Variants in ETV6 observed in about 807,000 individuals in gnomAD.
The protein encoded by ETV6 is transcription factor ETV6.
In ETV6, 16 loss-of-function variants were observed where a neutral mutation model predicts 51.1. The observed-to-expected ratio is 0.31, with a 90% CI of 0.21 to 0.48. The LOEUF (loss-of-function observed/expected upper bound fraction) is 0.48. ETV6 is among the 20% of genes least tolerant of loss of function. The pLI is 0.99. For synonymous variants in ETV6, 240 were observed against 224.1 expected (o/e 1.07, Z -0.64); for missense variants, 458 against 594.8 (o/e 0.77, Z 2.39).
intron 4 of ETV6, among the ~76,000 whole-genome samples, chr12:11,859,796 G>A (rs939269135): frequency 1.3e-5 from 2 of 152,316 alleles, no homozygotes; most frequent in Middle Eastern, 3.4e-3. Context: ...TAGCAGTAGT[G>A]GAGATGAGAA....
rs1591735559 is a variant in ETV6 at position 11,869,626 on chromosome 12, G to C, written c.666G>C (p.Arg222Ser). 1.2e-6 allele frequency: 2 copies of C among 1,614,118 alleles called. No individual in the cohort carries two copies. The highest frequency in any genetic ancestry group is 1.7e-6 in the Non-Finnish European group (2 of 1,180,016). Residue 222 changes from arginine to serine, a missense_variant, in exon 5 of 8, where the codon AGG becomes AGC. Physicochemically the swap from Arg to Ser is moderately radical, Grantham distance 110 (BLOSUM62 -1). Transcript: ENST00000396373. This position sits in a 1 kb window ranked among gnomAD's most constrained non-coding sequence, Gnocchi z 5.0. ...CGGCTGAGAGAGCTCAGGGACCCAG[G>C]CCGCACCAGGAGAACAACCACCAGG... ...LSPAERAQGP[R>S]PHQENNHQES...
At chr12:11,865,318 C>G (rs921778273) in intron 4 of ETV6, among the ~76,000 whole-genome samples, 3 of 151,214 alleles carry the variant, frequency 2.0e-5, no homozygotes, top group African/African-American at 7.3e-5. Context: ...ATAATAGAAC[C>G]ATCATATCAC....
chr12:11,735,008 A>G (rs1019988097), intron 1 of ETV6, among the ~76,000 whole-genome samples: 1 of 150,402 alleles, frequency 6.6e-6, no homozygotes, highest in African/African-American at 2.5e-5. Context: ...TCTGTTCTTC[A>G]TCTTCTACTT....
chr12:11,661,805 T>C (rs1394956267), intron 1 of ETV6, among the ~76,000 whole-genome samples: 1 of 152,190 alleles, frequency 6.6e-6, no homozygotes, highest in African/African-American at 2.4e-5. Flanking sequence ...TCTGCCTCTT[T>C]GCATTTCTGA....
chr12:11,884,513 T>C lies in ETV6; in HGVS notation c.1078T>C (p.Trp360Arg). The change falls in exon 6 of 8, where the codon TGG becomes CGG. Residue 360 changes from tryptophan to arginine, a missense_variant. Around this residue, in one of 4 missense-constraint regions of ETV6, gnomAD observed 55 missense variants for 151.2 expected, o/e 0.36. Coordinates refer to ENST00000396373, the MANE Select transcript of ETV6 (RefSeq NM_001987.5). Reference protein sequence around the residue: ...SDSRYENFIRWEDKESKIFRI... With the variant: ...SDSRYENFIRREDKESKIFRI... ...CAGCCGGTACGAAAACTTCATCCGA[T>C]GGGAGGACAAAGAATCCAAAATATT... 1 of 1,614,186 alleles carries C rather than the reference T, an allele frequency of 6.2e-7. No homozygotes were observed. The highest frequency in any genetic ancestry group is 8.5e-7 in the Non-Finnish European group (1 of 1,180,030).
intron 2 of ETV6, among the ~76,000 whole-genome samples, chr12:11,801,023 A>G (rs1172472688): frequency 6.6e-6 from 1 of 152,256 alleles, no homozygotes; most frequent in Non-Finnish European, 1.5e-5. Context: ...TAATTACATC[A>G]TGGTTTTAAA....
chr12:11,740,756 C>T (rs1293595060), intron 1 of ETV6, among the ~76,000 whole-genome samples: 1 of 152,110 alleles, frequency 6.6e-6, no homozygotes, highest in Non-Finnish European at 1.5e-5. Context: ...GAGTAAACTA[C>T]TTTTACCCTT....
At chr12:11,828,948 G>A (rs893035555) in intron 2 of ETV6, among the ~76,000 whole-genome samples, 4 of 152,006 alleles carry the variant, frequency 2.6e-5, no homozygotes, top group Non-Finnish European at 5.9e-5. Context: ...TGCTCCTGGG[G>A]CAAATGTCTT....
intron 7 of ETV6, among the ~76,000 whole-genome samples, chr12:11,888,089 T>A (rs1297822485): frequency 6.6e-6 from 1 of 152,218 alleles, no homozygotes; most frequent in Non-Finnish European, 1.5e-5. Context: ...ATGTCTGGAC[T>A]TCATGATTCA....
intron 5 of ETV6, among the ~76,000 whole-genome samples, chr12:11,877,498 G>C (rs1162522688): frequency 6.6e-6 from 1 of 152,100 alleles, no homozygotes; most frequent in African/African-American, 2.4e-5. Context: ...ATAAATATCT[G>C]TGTTTGCAGG....
chr12:11,827,738 T>A (rs895364464), intron 2 of ETV6, among the ~76,000 whole-genome samples: 3 of 152,076 alleles, frequency 2.0e-5, no homozygotes, highest in African/African-American at 7.2e-5. Flanking sequence ...ACAGATCAGG[T>A]CCCAGTTCAG....
chr12:11,843,659 T>C (rs1946420669), intron 3 of ETV6, among the ~76,000 whole-genome samples: 1 of 152,184 alleles, frequency 6.6e-6, no homozygotes, highest in African/African-American at 2.4e-5. Flanking sequence ...CAATGAGTTA[T>C]AATTACCTGG....
chr12:11,822,428 C>T (rs1264336374), intron 2 of ETV6, among the ~76,000 whole-genome samples: 1 of 152,234 alleles, frequency 6.6e-6, no homozygotes, highest in East Asian at 1.9e-4. Flanking sequence ...CTCTCTCTAC[C>T]TTTCTCCCCC....
intron 2 of ETV6, among the ~76,000 whole-genome samples, chr12:11,767,338 A>G (rs1945177310): frequency 6.6e-6 from 1 of 152,222 alleles, no homozygotes; most frequent in Non-Finnish European, 1.5e-5. Flanking sequence ...CATACTTCTT[A>G]TTAAACCACT....
chr12:11,669,129 C>T (rs1864254145), intron 1 of ETV6, among the ~76,000 whole-genome samples: 1 of 152,242 alleles, frequency 6.6e-6, no homozygotes, highest in South Asian at 2.1e-4. Flanking sequence ...CTTCCCCCTT[C>T]CCGGGCTTTA....
chr12:11,838,278 A>G (rs920427987), intron 2 of ETV6, among the ~76,000 whole-genome samples: 5 of 152,246 alleles, frequency 3.3e-5, no homozygotes, highest in Non-Finnish European at 7.3e-5. Context: ...GGGAACCCTG[A>G]TGGGTCCCAA....
At chr12:11,759,306 G>A (rs1243809568) in intron 2 of ETV6, among the ~76,000 whole-genome samples, 5 of 152,108 alleles carry the variant, frequency 3.3e-5, no homozygotes, top group Non-Finnish European at 7.4e-5. Context: ...TTCGCTGTGG[G>A]GGATGGGGAG....
chr12:11,874,923 C>T (rs1318481250), intron 5 of ETV6, among the ~76,000 whole-genome samples: 2 of 148,368 alleles, frequency 1.3e-5, no homozygotes, highest in Non-Finnish European at 3.0e-5. Context: ...GGAGGGATAG[C>T]ATTAGGAGAT....
Position 11,891,506 on chromosome 12 carries a change from T to C in ETV6, c.*460T>C, listed in dbSNP as rs1366520434. 49 of 515,288 alleles carry C rather than the reference T, an allele frequency of 9.5e-5. 1 individual carries two copies. The Admixed American group carries it at 1.2e-3, about 13-fold the overall frequency. 31.9% of individuals were successfully genotyped at this position (515,288 alleles called of 1,614,324 possible). A position where few individuals can be genotyped will look rare whatever the true frequency, so the allele number is the denominator to read the frequency against. ...TCTCACAAAGTGCGGCAAGCCCAGC[T>C]GGTCAGGAAAGAGAATACTTGCAGA... is the stretch of plus-strand genomic sequence containing the variant. On this transcript the variant is annotated 3_prime_UTR_variant, in exon 8 of 8. Coordinates refer to ENST00000396373, the MANE Select transcript of ETV6 (RefSeq NM_001987.5).
Sources: gnomAD v4.1 joint callset for allele counts (sites outside exome capture counted in the v4.1 genomes callset) on GRCh38, gnomAD v4.1.1 for gene constraint, gnomAD v4.1.1 regional missense constraint, Gnocchi (gnomAD v3.1) non-coding constraint, MANE v1.5 for transcripts, NCBI Gene and HGNC (gene_info 2026-07-23, HGNC 2026-07-21) for gene names.